MAP2K1: variants seen among roughly 807,000 people sequenced by gnomAD.
MAP2K1 encodes the protein mitogen-activated protein kinase kinase 1.
MAP2K1 carries 16 observed loss-of-function variants against 46.3 expected under a neutral mutation model. The observed-to-expected ratio is 0.35, with a 90% CI of 0.23 to 0.52. The LOEUF is 0.52. Ranked by LOEUF, MAP2K1 falls within the 20% of genes least tolerant of loss-of-function variation. MAP2K1 has a pLI of 0.94. For missense variants in MAP2K1, 263 were observed against 497.1 expected, an observed-to-expected ratio of 0.53 and a Z score of 4.48; for synonymous variants, 183 against 185.6, an observed-to-expected ratio of 0.99 and a Z score of 0.11.
At chr15:66,480,263 A>AT (rs1331945759) in intron 5 of MAP2K1, among the ~76,000 whole-genome samples, 1 of 151,772 alleles carries the variant, frequency 6.6e-6, no homozygotes, top group Non-Finnish European at 1.5e-5. Flanking sequence ...TAATTTTTGT[A>AT]TTTTTAGTAG....
intron 1 of MAP2K1, among the ~76,000 whole-genome samples, chr15:66,389,982 A>G (rs2093353024): frequency 6.6e-6 from 1 of 152,234 alleles, no homozygotes; most frequent in African/African-American, 2.4e-5. Flanking sequence ...TAAATGAGGT[A>G]GTACATAGTA....
intron 1 of MAP2K1, among the ~76,000 whole-genome samples, chr15:66,397,617 T>C (rs2093371317): frequency 6.6e-6 from 1 of 152,244 alleles, no homozygotes; most frequent in Non-Finnish European, 1.5e-5. Flanking sequence ...ATAAATCATG[T>C]TGATTTAGAT....
At chr15:66,454,196 G>T (rs556999972) in intron 5 of MAP2K1, among the ~76,000 whole-genome samples, 1 of 152,252 alleles carries the variant, frequency 6.6e-6, no homozygotes, top group Non-Finnish European at 1.5e-5. Flanking sequence ...ATGTCCATTT[G>T]GCTAAAGCGG....
intron 1 of MAP2K1, among the ~76,000 whole-genome samples, chr15:66,397,831 C>A (rs915254377): frequency 2.0e-5 from 3 of 152,172 alleles, no homozygotes; most frequent in Non-Finnish European, 4.4e-5. Context: ...AGGCCATTTG[C>A]GGTGGCTCAC....
chr15:66,395,302 T>C (rs2093364907), intron 1 of MAP2K1, among the ~76,000 whole-genome samples: 1 of 152,224 alleles, frequency 6.6e-6, no homozygotes. Flanking sequence ...GACAGTTACA[T>C]GAATGTGGTT....
At chr15:66,417,279 T>C (rs1422159106) in intron 1 of MAP2K1, among the ~76,000 whole-genome samples, 2 of 152,178 alleles carry the variant, frequency 1.3e-5, no homozygotes, top group Admixed American at 6.5e-5. Context: ...GTTTAACATG[T>C]TGAATGTTGA....
At chr15:66,408,389 C>A (rs902314000) in intron 1 of MAP2K1, among the ~76,000 whole-genome samples, 1 of 152,154 alleles carries the variant, frequency 6.6e-6, no homozygotes, top group Non-Finnish European at 1.5e-5. Context: ...GCAAAAGGTG[C>A]CTTAGGAAAC....
At chr15:66,478,393 T>A (rs1485650732) in intron 5 of MAP2K1, among the ~76,000 whole-genome samples, 1 of 105,958 alleles carries the variant, frequency 9.4e-6, no homozygotes, top group Non-Finnish European at 1.8e-5. Context: ...TACACAGATA[T>A]GTGTGTGTAT....
chr15:66,389,950 T>C (rs2093352942), intron 1 of MAP2K1, among the ~76,000 whole-genome samples: 1 of 152,198 alleles, frequency 6.6e-6, no homozygotes, highest in Non-Finnish European at 1.5e-5. Context: ...TGATAGAACC[T>C]ACTTAGCATA....
chr15:66,420,184 T>A (rs1224173696), intron 1 of MAP2K1, among the ~76,000 whole-genome samples: 1 of 151,340 alleles, frequency 6.6e-6, no homozygotes, highest in Non-Finnish European at 1.5e-5. Flanking sequence ...GCGGAGGTTG[T>A]GGTGAACCGA....
At chr15:66,423,690 C>G (rs1273128536) in intron 1 of MAP2K1, among the ~76,000 whole-genome samples, 1 of 149,224 alleles carries the variant, frequency 6.7e-6, no homozygotes, top group Non-Finnish European at 1.5e-5. Flanking sequence ...TCACGGCAAC[C>G]TCTGCCTCCC....
chr15:66,435,308 G>A (rs1258686388), intron 2 of MAP2K1, 71 bp downstream of exon 2: 1 of 1,263,486 alleles, frequency 7.9e-7, no homozygotes, highest in Admixed American at 1.7e-5. Flanking sequence ...GACCAGGGTA[G>A]AAGGAAGACT....
chr15:66,389,151 C>A (rs970629878), intron 1 of MAP2K1, among the ~76,000 whole-genome samples: 1 of 151,764 alleles, frequency 6.6e-6, no homozygotes, highest in African/African-American at 2.4e-5. Context: ...GGTGATCCAC[C>A]TGCCTCGGCC....
At chr15:66,464,158 G>C (rs1048775884) in intron 5 of MAP2K1, among the ~76,000 whole-genome samples, 4 of 152,064 alleles carry the variant, frequency 2.6e-5, no homozygotes, top group Non-Finnish European at 5.9e-5. Context: ...TGAATCTTTC[G>C]TCTCAGGTTT....
At chr15:66,418,745 C>T (rs2093430257) in intron 1 of MAP2K1, among the ~76,000 whole-genome samples, 2 of 151,918 alleles carry the variant, frequency 1.3e-5, no homozygotes, top group Admixed American at 1.3e-4. Context: ...TCACTGCAAG[C>T]TCCGCCTCCC....
chr15:66,392,802 C>T (rs2093359770), intron 1 of MAP2K1, among the ~76,000 whole-genome samples: 1 of 152,134 alleles, frequency 6.6e-6, no homozygotes, highest in Admixed American at 6.5e-5. Flanking sequence ...ATCCGCCTGC[C>T]TCAGCCTCCC....
At chr15:66,444,240 G>GAA (rs995798631) in intron 4 of MAP2K1, among the ~76,000 whole-genome samples, 6 of 124,934 alleles carry the variant, frequency 4.8e-5, no homozygotes, top group African/African-American at 1.2e-4. Flanking sequence ...CTCTGTCTCA[G>GAA]AAAAAAAAAA....
chr15:66,489,162 G>A, intron 8 of MAP2K1, 53 bp from the exon 9 acceptor site: 1 of 1,450,364 alleles, frequency 6.9e-7, no homozygotes, highest in Non-Finnish European at 9.7e-7. Context: ...GGGGAGAGGA[G>A]ATGGCTGGAG....
chr15:66,416,787 G>T (rs2093425674), intron 1 of MAP2K1, among the ~76,000 whole-genome samples: 2 of 152,114 alleles, frequency 1.3e-5, no homozygotes, highest in Admixed American at 1.3e-4. Flanking sequence ...GGTGGGGAGG[G>T]TATATTATAT....
Sources: gnomAD v4.1 joint callset for allele counts (sites outside exome capture counted in the v4.1 genomes callset) on GRCh38, gnomAD v4.1.1 for gene constraint, MANE v1.5 for transcripts, NCBI Gene and HGNC (gene_info 2026-07-23, HGNC 2026-07-21) for gene names.